Variants in NFKB1 observed in about 807,000 individuals in gnomAD.
NFKB1 encodes the protein nuclear factor kappa B subunit 1.
A neutral mutation model predicts 105.1 loss-of-function variants in NFKB1; 9 were observed. The ratio of observed to expected loss-of-function variants is 0.09; its 90% CI spans 0.05 to 0.15. The LOEUF is 0.15. NFKB1 is among the 10% of genes least tolerant of loss of function. The pLI is 1.00. For missense variants in NFKB1, 830 were observed against 1,203.7 expected (o/e 0.69, Z 4.59); for synonymous variants, 440 against 442.2 (o/e 1.00, Z 0.06).
At chr4:102,504,315 G>C (rs1429161190) in intron 1 of NFKB1, among the ~76,000 whole-genome samples, 1 of 152,144 alleles carries the variant, frequency 6.6e-6, no homozygotes, top group Non-Finnish European at 1.5e-5. Context: ...AACCAATAGA[G>C]TAAATTCTCA....
intron 1 of NFKB1, among the ~76,000 whole-genome samples, chr4:102,525,183 G>T (rs1260814546): frequency 1.3e-5 from 2 of 152,118 alleles, no homozygotes; most frequent in African/African-American, 2.4e-5. Flanking sequence ...GCGATAAAAA[G>T]AAATGGCTTC....
intron 4 of NFKB1, 102 bp downstream of exon 4, chr4:102,533,987 T>A: frequency 3.0e-6 from 3 of 1,007,952 alleles, no homozygotes; most frequent in Non-Finnish European, 4.5e-6. Context: ...AGGAAGTAGT[T>A]TATCTGAAAG....
At chr4:102,518,871 T>A (rs571397957) in intron 1 of NFKB1, among the ~76,000 whole-genome samples, 40 of 152,320 alleles carry the variant, frequency 2.6e-4, no homozygotes, top group African/African-American at 9.4e-4. Context: ...CTTGTTTGCA[T>A]GGTAACAATG....
rs56977004 is a variant in NFKB1, at chr4:102,574,125, C to CTTT, written c.408-2734_408-2732dup. ...TTTTGTATCGTTAAGTCTTGGATTCCTTTTTTTTTTTTTTTTTTTGATGTG... is the reference window on the plus strand; with the variant it reads ...TTTTGTATCGTTAAGTCTTGGATTCCTTTTTTTTTTTTTTTTTTTTTTGATGTG... On this transcript the variant is annotated intron_variant, in intron 6 of 23. Coordinates refer to ENST00000226574, the MANE Select transcript of NFKB1 (RefSeq NM_003998.4). 2.8e-4 allele frequency among the ~76,000 whole-genome samples: 26 copies of CTTT among 93,244 alleles called. 1 individual carries two copies. The highest frequency in any genetic ancestry group is 5.0e-4 in the African/African-American group (11 of 21,956). 61.2% of individuals were successfully genotyped at this position (93,244 alleles called of 152,430 possible). A position where few individuals can be genotyped will look rare whatever the true frequency, so the allele number is the denominator to read the frequency against.
At chr4:102,511,917 C>T (rs958759389) in intron 1 of NFKB1, among the ~76,000 whole-genome samples, 2 of 152,158 alleles carry the variant, frequency 1.3e-5, no homozygotes, top group African/African-American at 4.8e-5. Context: ...TAAAAGATTT[C>T]ACAAACAACT....
chr4:102,601,529 G>C (rs1012107090), intron 16 of NFKB1, among the ~76,000 whole-genome samples: 5 of 152,216 alleles, frequency 3.3e-5, no homozygotes, highest in Non-Finnish European at 7.3e-5. Flanking sequence ...GTGAGGAAAA[G>C]TGGGAACACC....
intron 1 of NFKB1, among the ~76,000 whole-genome samples, chr4:102,508,480 G>C (rs4647967): frequency 1.3e-5 from 2 of 152,074 alleles, no homozygotes; most frequent in Non-Finnish European, 2.9e-5. Flanking sequence ...ATTGATTTAC[G>C]TAAAATCAAA....
intron 5 of NFKB1, among the ~76,000 whole-genome samples, chr4:102,538,388 C>T (rs188223249): frequency 2.6e-5 from 4 of 152,234 alleles, no homozygotes; most frequent in African/African-American, 9.6e-5. Context: ...AGCTGTGTAG[C>T]TTTGAATAGG....
At chr4:102,525,724 T>A (rs570346719) in intron 2 of NFKB1, among the ~76,000 whole-genome samples, 167 bp downstream of exon 2, 3 of 152,192 alleles carry the variant, frequency 2.0e-5, no homozygotes, top group African/African-American at 7.2e-5. Context: ...GGATATGTCA[T>A]GTGAAATGAG....
chr4:102,596,523 G>C (rs1231463489), intron 14 of NFKB1, among the ~76,000 whole-genome samples, 191 bp downstream of exon 14: 1 of 152,048 alleles, frequency 6.6e-6, no homozygotes, highest in Non-Finnish European at 1.5e-5. Context: ...TTTTTGCTCT[G>C]TTATCTTTGA....
chr4:102,573,438 AT>A lies in NFKB1; in HGVS notation c.408-3429del, dbSNP rs920059630. On this transcript the variant is annotated intron_variant, in intron 6 of 23. Coordinates refer to ENST00000226574, the MANE Select transcript of NFKB1 (RefSeq NM_003998.4). ...TCTAATCTTTGTTCCTCTGTATATAATTTTTTTTTCTCTCTAGCAGCTTTTC... is the reference window on the plus strand; with the variant it reads ...TCTAATCTTTGTTCCTCTGTATATAATTTTTTTTCTCTCTAGCAGCTTTTC... 2.6e-5 allele frequency among the ~76,000 whole-genome samples: 4 copies of A among 151,270 alleles called. No individual in the cohort carries two copies. In the East Asian group the frequency reaches 5.8e-4, roughly 22 times the overall value.
intron 5 of NFKB1, among the ~76,000 whole-genome samples, chr4:102,538,384 G>A (rs1176248883): frequency 6.6e-6 from 1 of 152,182 alleles, no homozygotes; most frequent in East Asian, 1.9e-4. Context: ...TATTAGCTGT[G>A]TAGCTTTGAA....
At chr4:102,605,088 A>G (rs1467884383) in intron 16 of NFKB1, among the ~76,000 whole-genome samples, 4 of 151,942 alleles carry the variant, frequency 2.6e-5, no homozygotes, top group African/African-American at 7.2e-5. Flanking sequence ...TTTTTTCACA[A>G]TCTCATTCTC....
intron 7 of NFKB1, among the ~76,000 whole-genome samples, chr4:102,577,359 C>T (rs1247379163): frequency 6.6e-6 from 1 of 152,098 alleles, no homozygotes; most frequent in Non-Finnish European, 1.5e-5. Context: ...TCTTCCTTTA[C>T]CAAAAACACC....
rs1471213233 is a variant in NFKB1 at position 102,616,724 on chromosome 4, C to T, written c.*130C>T. 3.0e-5 allele frequency: 28 copies of T among 925,398 alleles called. No individual in the cohort carries two copies. The highest frequency in any genetic ancestry group is 4.1e-5 in the Non-Finnish European group (26 of 634,968). The allele number at this position is 925,398 out of a possible 1,614,324, so 57.3% of individuals were successfully genotyped here. ...CCCGCCTGAATCATTCTCGATTTAACTCGAGACCTTTTCAACTTGGCTTCC... is the reference window on the plus strand; with the variant it reads ...CCCGCCTGAATCATTCTCGATTTAATTCGAGACCTTTTCAACTTGGCTTCC... On this transcript the variant is annotated 3_prime_UTR_variant, in exon 24 of 24. Coordinates refer to ENST00000226574, the MANE Select transcript of NFKB1 (RefSeq NM_003998.4).
At chr4:102,524,412 A>G (rs942196304) in intron 1 of NFKB1, among the ~76,000 whole-genome samples, 2 of 152,118 alleles carry the variant, frequency 1.3e-5, no homozygotes, top group African/African-American at 2.4e-5. Context: ...TTTCTGTACC[A>G]GCTTGACAAC....
intron 15 of NFKB1, among the ~76,000 whole-genome samples, chr4:102,600,686 C>A (rs1052286469): frequency 1.3e-5 from 2 of 152,184 alleles, no homozygotes; most frequent in Admixed American, 6.5e-5. Flanking sequence ...AATAACGTAG[C>A]AGCCTTGGGT....
intron 4 of NFKB1, 139 bp from the exon 5 acceptor site, chr4:102,537,719 C>G: frequency 1.0e-5 from 5 of 487,042 alleles, no homozygotes; most frequent in Non-Finnish European, 1.5e-5. Flanking sequence ...TTCTTGTTTA[C>G]GGAGCCCTCT....
chr4:102,599,509 T>C (rs1161579427), intron 15 of NFKB1, among the ~76,000 whole-genome samples: 1 of 152,198 alleles, frequency 6.6e-6, no homozygotes, highest in South Asian at 2.1e-4. Flanking sequence ...TGCTGCGAGA[T>C]GCTTTAGTGT....
Sources: allele counts gnomAD v4.1 joint callset (sites outside exome capture counted in the v4.1 genomes callset), GRCh38; gene constraint gnomAD v4.1.1; transcripts MANE v1.5; gene names NCBI Gene and HGNC (gene_info 2026-07-23, HGNC 2026-07-21).